Variants in DPP6 observed in about 807,000 individuals in gnomAD.
The protein encoded by DPP6 is A-type potassium channel modulatory protein DPP6.
Under a neutral mutation model 122.6 loss-of-function variants are expected in DPP6, and 69 were observed. The observed-to-expected ratio is 0.56, with a 90% CI of 0.46 to 0.69. The LOEUF is 0.69. DPP6 is among the 30% of genes least tolerant of loss of function. DPP6 has a pLI of 0.00. For missense variants in DPP6, 928 were observed against 1,116.9 expected (o/e 0.83, Z 2.41); for synonymous variants, 418 against 433.1 (o/e 0.97, Z 0.43).
rs184600308 is a variant in DPP6 at position 154,248,807 on chromosome 7, A to T, written c.243+195744A>T. 5.5e-3 allele frequency among the ~76,000 whole-genome samples: 837 copies of T among 152,206 alleles called. 3 individuals carry two copies. Among genetic ancestry groups the T allele is most frequent in the Non-Finnish European group, 8.8e-3 (596 of 68,002 alleles). ...TTTGAACCCAGGAGACGGAGGTTGC[A>T]GTGAGCCGAGATTGCGCCACTGCAC... On this transcript the variant is annotated intron_variant, in intron 1 of 25. Coordinates refer to ENST00000377770, the MANE Select transcript of DPP6 (RefSeq NM_130797.4).
At chr7:154,063,376 C>T (rs1175912509) in intron 1 of DPP6, among the ~76,000 whole-genome samples, 1 of 132,292 alleles carries the variant, frequency 7.6e-6, no homozygotes, top group African/African-American at 2.8e-5. Context: ...TGGCACCCCC[C>T]ACGAGGGTGG....
At chr7:154,203,627 G>C (rs972339726) in intron 1 of DPP6, among the ~76,000 whole-genome samples, 1 of 152,192 alleles carries the variant, frequency 6.6e-6, no homozygotes, top group Non-Finnish European at 1.5e-5. Flanking sequence ...ACATATGTGC[G>C]ATGTGTGCAT....
chr7:154,371,188 G>A (rs1238889846), intron 1 of DPP6, among the ~76,000 whole-genome samples: 1 of 151,798 alleles, frequency 6.6e-6, no homozygotes, highest in Non-Finnish European at 1.5e-5. Flanking sequence ...GACCAGCCTG[G>A]CCAACATGGC....
chr7:154,512,887 C>T (rs1207044077), intron 3 of DPP6, among the ~76,000 whole-genome samples: 1 of 152,150 alleles, frequency 6.6e-6, no homozygotes, highest in Non-Finnish European at 1.5e-5. Context: ...GGGACATACT[C>T]TAGGGACAAC....
intron 8 of DPP6, 21 bp downstream of exon 8, chr7:154,727,908 A>G (rs764010528): frequency 2.6e-6 from 4 of 1,564,426 alleles, no homozygotes; most frequent in South Asian, 1.2e-5. Flanking sequence ...CACAGAGAGA[A>G]AAAAGGAAGA....
At chr7:154,194,343 T>C (rs1466831786) in intron 1 of DPP6, among the ~76,000 whole-genome samples, 1 of 152,202 alleles carries the variant, frequency 6.6e-6, no homozygotes, top group Non-Finnish European at 1.5e-5. Flanking sequence ...TGGTAATGAA[T>C]CAGATGCATA....
At chr7:154,413,874 T>C (rs1328605379) in intron 1 of DPP6, among the ~76,000 whole-genome samples, 1 of 152,222 alleles carries the variant, frequency 6.6e-6, no homozygotes, top group Non-Finnish European at 1.5e-5. Flanking sequence ...TGCTTTTTCA[T>C]GAAAAGTAGT....
chr7:153,983,125 T>A (rs1434595814), intron 1 of DPP6, among the ~76,000 whole-genome samples: 5 of 152,230 alleles, frequency 3.3e-5, no homozygotes, highest in African/African-American at 1.2e-4. Context: ...GAACGTTTAA[T>A]TCTGCTGAAG....
the DPP6 span, among the ~76,000 whole-genome samples, chr7:153,878,049 C>G: frequency 6.6e-6 from 1 of 152,052 alleles, no homozygotes; most frequent in Non-Finnish European, 1.5e-5. Flanking sequence ...TGAGGCAATG[C>G]AAGATACCCG....
chr7:153,807,976 C>G, the DPP6 span, among the ~76,000 whole-genome samples: 196 of 152,048 alleles, frequency 1.3e-3, no homozygotes, highest in East Asian at 0.014. Flanking sequence ...AAGTGTTTCT[C>G]CAGGTGGCAG....
In DPP6 at chr7:154,382,882, C is replaced by T. The variant is rs1020855377; in HGVS notation, c.244-63332C>T. Reference sequence around the variant, plus strand: ...CTGGGTTTACAGGCACGCACCACCACGCCCAGCTAATTTTTTGTATTTTTA... The same window carrying T: ...CTGGGTTTACAGGCACGCACCACCATGCCCAGCTAATTTTTTGTATTTTTA... On this transcript the variant is annotated intron_variant, in intron 1 of 25. Transcript: ENST00000377770. 5.3e-5 allele frequency among the ~76,000 whole-genome samples: 8 copies of T among 152,148 alleles called. No individual in the cohort carries two copies. In the South Asian group the frequency reaches 6.2e-4, roughly 12 times the overall value.
intron 3 of DPP6, among the ~76,000 whole-genome samples, chr7:154,525,617 T>G (rs1025761708): frequency 3.9e-5 from 6 of 152,232 alleles, no homozygotes; most frequent in African/African-American, 1.4e-4. Context: ...GCAGTAACTG[T>G]CATATGATTA....
At chr7:154,093,460 C>T (rs1314239384) in intron 1 of DPP6, among the ~76,000 whole-genome samples, 6 of 121,300 alleles carry the variant, frequency 4.9e-5, no homozygotes, top group Non-Finnish European at 5.1e-5. Context: ...CCACACACAC[C>T]ATATACCACA....
At chr7:154,305,756 G>T (rs1175857040) in intron 1 of DPP6, among the ~76,000 whole-genome samples, 2 of 152,024 alleles carry the variant, frequency 1.3e-5, no homozygotes, top group South Asian at 2.1e-4. Context: ...TGGAGTCTGC[G>T]GCTCTCCTCT....
chr7:153,897,537 C>T (rs920650621), intron 1 of DPP6, among the ~76,000 whole-genome samples: 2 of 152,208 alleles, frequency 1.3e-5, no homozygotes, highest in Admixed American at 1.3e-4. Context: ...AGCCTTTTAA[C>T]TACAAAAATT....
At chr7:153,767,368 C>A in the DPP6 span, among the ~76,000 whole-genome samples, 1 of 151,910 alleles carries the variant, frequency 6.6e-6, no homozygotes, top group African/African-American at 2.4e-5. Context: ...AAGTGAGAAA[C>A]TTTTTGTTGT....
At position 154,863,259 on chromosome 7, in the gene DPP6, G is replaced by GTA. The variant is rs550420320; in HGVS notation, c.1715-4732_1715-4731dup. 4.0e-3 allele frequency among the ~76,000 whole-genome samples: 607 copies of GTA among 151,828 alleles called. 2 individuals are homozygous for GTA. The highest frequency in any genetic ancestry group is 0.014 in the African/African-American group (582 of 41,348). On this transcript the variant is annotated intron_variant, in intron 17 of 25. Coordinates refer to ENST00000377770, the MANE Select transcript of DPP6 (RefSeq NM_130797.4). The surrounding 1 kb of genome is among the most constrained non-coding windows in gnomAD (Gnocchi z 4.1). ...AGCATGTCTCTGTTGATCACTGCAT[G>GTA]TATATGTGGAGGGAAGGACAATATG...
chr7:154,620,513 G>T (rs113782632), intron 5 of DPP6, among the ~76,000 whole-genome samples: 1 of 152,160 alleles, frequency 6.6e-6, no homozygotes, highest in Non-Finnish European at 1.5e-5. Context: ...TTCACTACAC[G>T]CAGAATTGCC....
At chr7:153,987,614 G>A (rs547479705) in intron 1 of DPP6, among the ~76,000 whole-genome samples, 11 of 152,038 alleles carry the variant, frequency 7.2e-5, no homozygotes, top group African/African-American at 2.7e-4. Flanking sequence ...TCCGTTGGAC[G>A]GGGAAATTGA....
Sources: gnomAD v4.1 joint callset for allele counts (sites outside exome capture counted in the v4.1 genomes callset) on GRCh38, gnomAD v4.1.1 for gene constraint, Gnocchi (gnomAD v3.1) non-coding constraint, MANE v1.5 for transcripts, NCBI Gene and HGNC (gene_info 2026-07-23, HGNC 2026-07-21) for gene names.